The following IPO11 variants were observed in gnomAD, a reference collection of about 807,000 sequenced individuals.
IPO11 encodes importin-11.
A neutral mutation model predicts 143.2 loss-of-function variants in IPO11; 66 were observed. The ratio of observed to expected loss-of-function variants is 0.46; its 90% CI spans 0.38 to 0.57. IPO11 has a LOEUF of 0.57. Ranked by LOEUF, IPO11 falls within the 20% of genes least tolerant of loss-of-function variation. The pLI, the probability that IPO11 is intolerant of heterozygous loss-of-function variation, is 0.00. For synonymous variants in IPO11, 385 were observed against 377.8 expected, an observed-to-expected ratio of 1.02 and a Z score of -0.22; for missense variants, 1,026 against 1,141.0, an observed-to-expected ratio of 0.90 and a Z score of 1.45.
intron 28 of IPO11, among the ~76,000 whole-genome samples, chr5:62,595,774 TA>T (rs757266537): frequency 5.3e-5 from 8 of 152,168 alleles, no homozygotes; most frequent in Non-Finnish European, 7.3e-5. Context: ...TTGTTTTTAT[TA>T]TTTTTTTAGC....
intron 28 of IPO11, among the ~76,000 whole-genome samples, chr5:62,597,280 A>G (rs1387503795): frequency 6.6e-6 from 1 of 152,216 alleles, no homozygotes; most frequent in Non-Finnish European, 1.5e-5. Flanking sequence ...ATTAGGAATT[A>G]CATGGGTCTT....
At chr5:62,480,965 G>A (rs1406424006) in intron 9 of IPO11, among the ~76,000 whole-genome samples, 5 of 133,240 alleles carry the variant, frequency 3.8e-5, no homozygotes, top group African/African-American at 1.5e-4. Flanking sequence ...GCCCAGGTTG[G>A]AGTGCAGTGG....
chr5:62,539,997 CTT>C (rs1742872488), intron 24 of IPO11, among the ~76,000 whole-genome samples: 1 of 152,120 alleles, frequency 6.6e-6, no homozygotes, highest in African/African-American at 2.4e-5. Flanking sequence ...ATATTATTGT[CTT>C]TACAGATTTT....
intron 29 of IPO11, among the ~76,000 whole-genome samples, chr5:62,604,204 G>GTTGTT (rs968472257): frequency 1.8e-4 from 28 of 152,188 alleles, no homozygotes; most frequent in African/African-American, 4.1e-4. Context: ...CTGTTTTGTG[G>GTTGTT]TTGTTTTGTT....
intron 15 of IPO11, among the ~76,000 whole-genome samples, chr5:62,493,683 C>T (rs1243043816): frequency 6.6e-6 from 1 of 151,894 alleles, no homozygotes; most frequent in Non-Finnish European, 1.5e-5. Context: ...ATTCTCATGC[C>T]TCAGACTTCC....
chr5:62,484,173 A>C lies in IPO11; in HGVS notation c.1174+11A>C, dbSNP rs750006066. 3 of 1,581,908 alleles carry C rather than the reference A, an allele frequency of 1.9e-6. No individual in the cohort carries two copies. Among genetic ancestry groups the C allele is most frequent in the African/African-American group, 2.8e-5 (2 of 72,668 alleles). ...ACCCAGAAGGCTTTAGTAAGAATTA[A>C]TTTTTTAGTGTTAGAATGACTTTTC... On this transcript the variant is annotated intron_variant, in intron 11 of 29. Transcript: ENST00000325324.
intron 16 of IPO11, among the ~76,000 whole-genome samples, chr5:62,495,983 CAG>C (rs1474835263): frequency 2.0e-5 from 3 of 152,054 alleles, no homozygotes; most frequent in East Asian, 1.9e-4. Flanking sequence ...GGCAACTGGT[CAG>C]AGTCTTTAAA....
At chr5:62,448,931 T>C (rs529656172) in intron 3 of IPO11, among the ~76,000 whole-genome samples, 2 of 152,338 alleles carry the variant, frequency 1.3e-5, no homozygotes, top group East Asian at 3.9e-4. Context: ...TTGTCTTTAA[T>C]GCTATTGTTG....
chr5:62,483,956 A>G, intron 10 of IPO11, 54 bp from the exon 11 acceptor site: 1 of 1,405,348 alleles, frequency 7.1e-7, no homozygotes, highest in Non-Finnish European at 9.8e-7. Context: ...TACATAATCC[A>G]ATGTAGCTAC....
intron 5 of IPO11, among the ~76,000 whole-genome samples, chr5:62,459,679 T>G (rs150137959): frequency 0.049 from 7,512 of 152,118 alleles, 233 homozygotes; most frequent in South Asian, 0.081. Context: ...GCCTCCCAAG[T>G]AGCTGGGACT....
At chr5:62,473,094 A>G (rs1745839512) in intron 7 of IPO11, among the ~76,000 whole-genome samples, 1 of 152,198 alleles carries the variant, frequency 6.6e-6, no homozygotes, top group Non-Finnish European at 1.5e-5. Flanking sequence ...TTCATTATCA[A>G]TTATTGTCAA....
At chr5:62,446,327 T>C (rs1309519333) in intron 3 of IPO11, among the ~76,000 whole-genome samples, 4 of 152,196 alleles carry the variant, frequency 2.6e-5, no homozygotes. Context: ...TTTATTACTA[T>C]TTATAGTCAC....
intron 27 of IPO11, among the ~76,000 whole-genome samples, chr5:62,567,529 C>T: frequency 7.4e-6 from 1 of 135,886 alleles, no homozygotes; most frequent in Admixed American, 7.4e-5. Context: ...TTTTCTCTCC[C>T]TCTTGAAGGT....
chr5:62,502,509 G>T (rs960257864), intron 16 of IPO11, among the ~76,000 whole-genome samples: 4 of 152,236 alleles, frequency 2.6e-5, no homozygotes, highest in African/African-American at 9.6e-5. Flanking sequence ...AAAAGTCTGT[G>T]TTTTTTTATT....
At position 62,628,334 on chromosome 5, in the gene IPO11, A is replaced by G. The variant is rs994705823; in HGVS notation, c.*1016A>G. 1 of 151,836 alleles carries G rather than the reference A, an allele frequency of 6.6e-6. No individual in the cohort carries two copies. The highest frequency in any genetic ancestry group is 1.9e-4 in the East Asian group (1 of 5,164). The allele number at this position is 151,836 out of a possible 1,614,324, so 9.4% of individuals were successfully genotyped here. On this transcript the variant is annotated 3_prime_UTR_variant, in exon 30 of 30. Coordinates refer to ENST00000325324, the MANE Select transcript of IPO11 (RefSeq NM_016338.5). ...CAGTACATAAAAAGGGGAAAAGGAG[A>G]AAAAAAAAGCCTTACTTTGTTTTAC...
intron 21 of IPO11, among the ~76,000 whole-genome samples, chr5:62,529,060 TTATTC>T (rs1742458655): frequency 6.6e-6 from 1 of 152,210 alleles, no homozygotes; most frequent in African/African-American, 2.4e-5. Flanking sequence ...GTTTATTATC[TTATTC>T]TACTTGCTTT....
intron 27 of IPO11, among the ~76,000 whole-genome samples, chr5:62,570,310 C>T (rs1482580474): frequency 1.3e-5 from 2 of 152,080 alleles, no homozygotes; most frequent in Non-Finnish European, 2.9e-5. Flanking sequence ...CCTCTCCACT[C>T]CCCCCAAAAA....
chr5:62,460,727 G>T (rs1218264337), intron 5 of IPO11, among the ~76,000 whole-genome samples: 1 of 151,976 alleles, frequency 6.6e-6, no homozygotes, highest in Non-Finnish European at 1.5e-5. Flanking sequence ...AGTATTTGGG[G>T]GTTTCATGAA....
chr5:62,602,382 G>T (rs1383575920), intron 29 of IPO11, among the ~76,000 whole-genome samples: 1 of 151,938 alleles, frequency 6.6e-6, no homozygotes, highest in Non-Finnish European at 1.5e-5. Flanking sequence ...ATATAATCGT[G>T]AATGTTTAAA....
Sources: gnomAD v4.1 joint callset for allele counts (sites outside exome capture counted in the v4.1 genomes callset) on GRCh38, gnomAD v4.1.1 for gene constraint, MANE v1.5 for transcripts, NCBI Gene and HGNC (gene_info 2026-07-23, HGNC 2026-07-21) for gene names.